Variants in SORCS3 observed in about 807,000 individuals in gnomAD.
SORCS3 encodes sortilin related VPS10 domain containing receptor 3.
Under a neutral mutation model 146.3 loss-of-function variants are expected in SORCS3, and 57 were observed. That is an observed-to-expected ratio of 0.39 (90% CI 0.31 to 0.49). The LOEUF (loss-of-function observed/expected upper bound fraction) is 0.49. SORCS3 is among the 20% of genes least tolerant of loss of function. The pLI is 0.92. For missense variants in SORCS3, 1,341 were observed against 1,575.5 expected, an observed-to-expected ratio of 0.85 and a Z score of 2.52; for synonymous variants, 653 against 618.5, an observed-to-expected ratio of 1.06 and a Z score of -0.83.
chr10:105,224,859 A>G (rs1161288892), intron 20 of SORCS3, among the ~76,000 whole-genome samples: 1 of 152,138 alleles, frequency 6.6e-6, no homozygotes, highest in Non-Finnish European at 1.5e-5. Context: ...AATTTTTCAT[A>G]TGCTTATTTC....
At chr10:105,220,523 C>A (rs963826596) in intron 19 of SORCS3, among the ~76,000 whole-genome samples, 6 of 152,236 alleles carry the variant, frequency 3.9e-5, no homozygotes, top group African/African-American at 1.4e-4. Context: ...TGGAAGATCC[C>A]AGGGTTCCCA....
intron 4 of SORCS3, among the ~76,000 whole-genome samples, chr10:104,997,580 G>A (rs1157410173): frequency 6.6e-6 from 1 of 152,148 alleles, no homozygotes; most frequent in Admixed American, 6.6e-5. Flanking sequence ...GTACATCAGG[G>A]ATTGAGGGTG....
At chr10:105,022,367 G>A (rs2055203379) in intron 4 of SORCS3, among the ~76,000 whole-genome samples, 2 of 148,008 alleles carry the variant, frequency 1.4e-5, no homozygotes, top group African/African-American at 5.0e-5. Context: ...GGGCAATCTC[G>A]GCTCATTGCA....
At chr10:104,746,460 T>G (rs1377191605) in intron 1 of SORCS3, among the ~76,000 whole-genome samples, 1 of 152,252 alleles carries the variant, frequency 6.6e-6, no homozygotes, top group Non-Finnish European at 1.5e-5. Context: ...GTGAAGTGAT[T>G]AAATAAGGCT....
At chr10:105,250,350 A>G (rs534529906) in intron 22 of SORCS3, among the ~76,000 whole-genome samples, 1 of 152,258 alleles carries the variant, frequency 6.6e-6, no homozygotes, top group South Asian at 2.1e-4. Flanking sequence ...GGGTTGTGTT[A>G]TGTATGGTTA....
intron 1 of SORCS3, among the ~76,000 whole-genome samples, chr10:104,683,690 C>A (rs2016006277): frequency 6.6e-6 from 1 of 152,142 alleles, no homozygotes; most frequent in Non-Finnish European, 1.5e-5. Context: ...GAGGGATTGG[C>A]CTTAGGACTT....
intron 14 of SORCS3, among the ~76,000 whole-genome samples, chr10:105,190,880 G>T (rs1473162261): frequency 6.6e-6 from 1 of 152,102 alleles, no homozygotes; most frequent in East Asian, 1.9e-4. Context: ...ACTAATAATT[G>T]TTTAAAATTA....
intron 17 of SORCS3, among the ~76,000 whole-genome samples, chr10:105,211,736 A>T (rs1415950412): frequency 6.6e-6 from 1 of 152,194 alleles, no homozygotes; most frequent in Non-Finnish European, 1.5e-5. Context: ...GTGTGTGTTT[A>T]TCTCTTTGTT....
At chr10:104,997,015 G>A (rs1411103422) in intron 4 of SORCS3, among the ~76,000 whole-genome samples, 1 of 152,090 alleles carries the variant, frequency 6.6e-6, no homozygotes, top group African/African-American at 2.4e-5. Flanking sequence ...CACATGGAGA[G>A]GATATTCTAG....
chr10:105,173,248 A>C (rs34763354), intron 13 of SORCS3, among the ~76,000 whole-genome samples: 4,531 of 151,846 alleles, frequency 0.03, 79 homozygotes, highest in South Asian at 0.062. Context: ...GGAGGCAGAG[A>C]TTGCAGTGAG....
chr10:105,152,002 T>A (rs1028024721), intron 9 of SORCS3, among the ~76,000 whole-genome samples: 2 of 152,198 alleles, frequency 1.3e-5, no homozygotes, highest in African/African-American at 2.4e-5. Context: ...GTAACACTCT[T>A]TTCATATAGA....
At position 104,695,357 on chromosome 10, in the gene SORCS3, C is replaced by G. The variant is rs111259214; in HGVS notation, c.627+53403C>G. Among the ~76,000 whole-genome samples, 723 of 150,678 alleles carry G rather than the reference C, an allele frequency of 4.8e-3. 4 individuals are homozygous for G. Among genetic ancestry groups the G allele is most frequent in the Non-Finnish European group, 6.9e-3 (471 of 67,824 alleles). On this transcript the variant is annotated intron_variant, in intron 1 of 26. Coordinates refer to ENST00000369701, the MANE Select transcript of SORCS3 (RefSeq NM_014978.3). ...TGTTATTTGCTGGGGGGTTAGGAAACTTAGTCGATGGTTACCAGTGGGAAT... is the reference window on the plus strand; with the variant it reads ...TGTTATTTGCTGGGGGGTTAGGAAAGTTAGTCGATGGTTACCAGTGGGAAT...
At chr10:105,137,496 TA>T (rs5787565) in intron 7 of SORCS3, among the ~76,000 whole-genome samples, 19,514 of 149,558 alleles carry the variant, frequency 0.13, 1,643 homozygotes, top group Middle Eastern at 0.19. Flanking sequence ...CACCTCAAAT[TA>T]AAAAAAAAAC....
At chr10:104,788,523 A>G (rs1218179150) in intron 1 of SORCS3, among the ~76,000 whole-genome samples, 1 of 152,250 alleles carries the variant, frequency 6.6e-6, no homozygotes, top group Non-Finnish European at 1.5e-5. Flanking sequence ...AGAGTTCATA[A>G]GAAACCTGTA....
chr10:104,709,782 C>G (rs1265223937), intron 1 of SORCS3, among the ~76,000 whole-genome samples: 1 of 152,108 alleles, frequency 6.6e-6, no homozygotes, highest in South Asian at 2.1e-4. Flanking sequence ...TAATGTCTGA[C>G]TTGTTCTTTG....
At chr10:104,945,588 A>G (rs1467589164) in intron 3 of SORCS3, among the ~76,000 whole-genome samples, 2 of 144,230 alleles carry the variant, frequency 1.4e-5, no homozygotes, top group Admixed American at 1.4e-4. Context: ...TTTTTTAATC[A>G]TGGAAGTGAA....
chr10:105,214,753 C>A, intron 18 of SORCS3, 140 bp downstream of exon 18: 2 of 819,424 alleles, frequency 2.4e-6, no homozygotes, highest in Non-Finnish European at 3.7e-6. Flanking sequence ...AGAAGACAGA[C>A]AAGGGTGAAA....
chr10:104,649,040 G>A (rs2015528923), intron 1 of SORCS3, among the ~76,000 whole-genome samples: 1 of 152,152 alleles, frequency 6.6e-6, no homozygotes, highest in South Asian at 2.1e-4. Context: ...TGGAAATAAA[G>A]CTATGTAGGA....
At chr10:104,699,698 G>A (rs2016257408) in intron 1 of SORCS3, among the ~76,000 whole-genome samples, 2 of 152,274 alleles carry the variant, frequency 1.3e-5, no homozygotes, top group East Asian at 3.9e-4. Context: ...GGAGAAAGGG[G>A]CTATGATATG....
Sources: allele counts gnomAD v4.1 joint callset (sites outside exome capture counted in the v4.1 genomes callset), GRCh38; gene constraint gnomAD v4.1.1; transcripts MANE v1.5; gene names NCBI Gene and HGNC (gene_info 2026-07-23, HGNC 2026-07-21).